Variants in PITPNM2 observed in about 807,000 individuals in gnomAD.
PITPNM2 encodes membrane-associated phosphatidylinositol transfer protein 2.
PITPNM2 carries 35 observed loss-of-function variants against 132.2 expected under a neutral mutation model. The observed-to-expected ratio is 0.26, with a 90% CI of 0.20 to 0.35. PITPNM2 has a LOEUF of 0.35. Among genes scored for constraint, PITPNM2 ranks in the 10% least tolerant of loss-of-function variants. The pLI is 1.00. For synonymous variants in PITPNM2, 738 were observed against 799.2 expected, an observed-to-expected ratio of 0.92 and a Z score of 1.29; for missense variants, 1,332 against 1,912.0, an observed-to-expected ratio of 0.70 and a Z score of 5.66.
intron 1 of PITPNM2, among the ~76,000 whole-genome samples, chr12:123,131,604 AG>A (rs1260884220): frequency 6.6e-6 from 1 of 152,212 alleles, no homozygotes; most frequent in Non-Finnish European, 1.5e-5. Context: ...CAGGAGGCAG[AG>A]GGAGAGTCTG....
rs546515342 is a variant in PITPNM2 at position 123,041,580 on chromosome 12, C to T, written c.-95-6895G>A. Among the ~76,000 whole-genome samples, 36 of 152,326 alleles carry T rather than the reference C, an allele frequency of 2.4e-4. 1 individual carries two copies. In the South Asian group the frequency reaches 7.5e-3, roughly 32 times the overall value. ...CCTTGGCCCGAAGCTGAACCCTCCT[C>T]ACTCAGACAATTTCATTACACCCAG... is the stretch of plus-strand genomic sequence containing the variant. On this transcript the variant is annotated intron_variant, in intron 2 of 25. Coordinates refer to ENST00000320201, the MANE Select transcript of PITPNM2 (RefSeq NM_020845.3).
intron 3 of PITPNM2, among the ~76,000 whole-genome samples, chr12:123,034,009 A>G (rs1419337302): frequency 1.3e-5 from 2 of 152,226 alleles, no homozygotes; most frequent in African/African-American, 4.8e-5. Flanking sequence ...AGAAGACACC[A>G]GAGCCTGCTC....
At chr12:123,079,332 CTTTTTCTTTTTTCTTTTCTTTTTT>C (rs1348967333) in intron 2 of PITPNM2, among the ~76,000 whole-genome samples, 9 of 109,700 alleles carry the variant, frequency 8.2e-5, no homozygotes, top group African/African-American at 2.9e-4. Context: ...TATTTCACTT[CTTTTTCTTTTTTCTTTTCTTTTTT>C]TTTTTTTTTT....
At position 123,034,505 on chromosome 12, in the gene PITPNM2, C is replaced by A. The variant is rs369857832; in HGVS notation, c.78+8G>T. ...CACCCCATGACCCACCCTTGCCCCACGACCCACCTGTATCATGTACAGCTG... is the reference window on the plus strand; with the variant it reads ...CACCCCATGACCCACCCTTGCCCCAAGACCCACCTGTATCATGTACAGCTG... On this transcript the variant is annotated splice_region_variant and intron_variant, in intron 3 of 25. Coordinates refer to ENST00000320201, the MANE Select transcript of PITPNM2 (RefSeq NM_020845.3). 2 of 1,613,610 alleles carry A rather than the reference C, an allele frequency of 1.2e-6. No homozygotes were observed. The highest frequency in any genetic ancestry group is 1.7e-6 in the Non-Finnish European group (2 of 1,179,750).
chr12:123,005,454 C>T lies in PITPNM2; in HGVS notation c.738G>A (p.Glu246=). 6.2e-7 allele frequency: 1 copy of T among 1,614,140 alleles called. No individual in the cohort carries two copies. Among genetic ancestry groups the T allele is most frequent in the Non-Finnish European group, 8.5e-7 (1 of 1,180,034 alleles). ...GLSMENIREL[E]KEAQLMLSRK... ...GGGAAAGCATGAGCTGTGCCTCCTT[C>T]TCCAGCTCCCGGATGTTCTCCATGC... Residue 246 remains glutamate (E), a synonymous_variant, in exon 7 of 26, where the codon GAG becomes GAA. Transcript: ENST00000320201. This position sits in a 1 kb window ranked among gnomAD's most constrained non-coding sequence, Gnocchi z 6.2.
chr12:123,009,704 A>T lies in PITPNM2; in HGVS notation c.643+146T>A, dbSNP rs748287500. 2.7e-6 allele frequency: 2 copies of T among 737,948 alleles called. No homozygotes were observed. The highest frequency in any genetic ancestry group is 4.6e-6 in the Non-Finnish European group (2 of 439,508). 45.7% of individuals were successfully genotyped at this position (737,948 alleles called of 1,614,324 possible). On this transcript the variant is annotated intron_variant, in intron 6 of 25. Transcript: ENST00000320201. This position sits in a 1 kb window ranked among gnomAD's most constrained non-coding sequence, Gnocchi z 4.8. ...CTGGCGGGTAGTGGGGAAGCTGGAC[A>T]TGGGCTTTGGTGTCACCTTCCCAGA... is the stretch of plus-strand genomic sequence containing the variant.
At position 122,994,557 on chromosome 12, in the gene PITPNM2, G is replaced by T. The variant is rs181488257; in HGVS notation, c.2233+244C>A. ...CTGGACCTCAGCTTGCCCATCTAGG[G>T]GTTGACCCTCAGCATCCACAGGCAC... On this transcript the variant is annotated intron_variant, in intron 15 of 25. Coordinates refer to ENST00000320201, the MANE Select transcript of PITPNM2 (RefSeq NM_020845.3). The surrounding 1 kb of genome is among the most constrained non-coding windows in gnomAD (Gnocchi z 5.4). Among the ~76,000 whole-genome samples, 95 of 152,286 alleles carry T rather than the reference G, an allele frequency of 6.2e-4. No individual in the cohort carries two copies. Among genetic ancestry groups the T allele is most frequent in the Non-Finnish European group, 4.6e-4 (31 of 68,014 alleles).
At chr12:123,071,100 C>G (rs904430350) in intron 2 of PITPNM2, among the ~76,000 whole-genome samples, 1 of 152,210 alleles carries the variant, frequency 6.6e-6, no homozygotes, top group Non-Finnish European at 1.5e-5. Context: ...CAGGTCCGAC[C>G]TGGGATCCTC....
At chr12:123,039,065 G>A (rs1196535568) in intron 2 of PITPNM2, among the ~76,000 whole-genome samples, 1 of 151,192 alleles carries the variant, frequency 6.6e-6, no homozygotes, top group African/African-American at 2.4e-5. Flanking sequence ...AGAAGGAACA[G>A]CGTGAGCAAA....
intron 2 of PITPNM2, among the ~76,000 whole-genome samples, chr12:123,051,239 G>C (rs186305075): frequency 6.6e-6 from 1 of 152,168 alleles, no homozygotes; most frequent in Non-Finnish European, 1.5e-5. Context: ...CATCTATTTC[G>C]TGAGCCACTT....
rs934689678 is a variant in PITPNM2, at chr12:123,022,912, C to G, written c.79-8870G>C. The stretch of plus-strand genomic sequence containing the variant: ...GTGCCCTGCCTCTTCCCCCAGGGCC[C>G]TCCACCCAAACCTCCCTCCCCAGAG... On this transcript the variant is annotated intron_variant, in intron 3 of 25. Coordinates refer to ENST00000320201, the MANE Select transcript of PITPNM2 (RefSeq NM_020845.3). This position sits in a 1 kb window ranked among gnomAD's most constrained non-coding sequence, Gnocchi z 4.9. 5.3e-5 allele frequency among the ~76,000 whole-genome samples: 8 copies of G among 152,202 alleles called. No homozygotes were observed. The highest frequency in any genetic ancestry group is 8.8e-5 in the Non-Finnish European group (6 of 68,030).
chr12:123,046,676 T>C (rs2040669200), intron 2 of PITPNM2, among the ~76,000 whole-genome samples: 1 of 152,218 alleles, frequency 6.6e-6, no homozygotes. Context: ...CATTTCCTAT[T>C]GGTGGAGTCA....
intron 5 of PITPNM2, among the ~76,000 whole-genome samples, chr12:123,011,013 G>A (rs1218294159): frequency 3.3e-5 from 5 of 152,338 alleles, no homozygotes; most frequent in South Asian, 2.1e-4. Flanking sequence ...TGGGCAGGAC[G>A]TAGGCCAGGC....
At chr12:123,003,476 G>C (rs1387154308) in intron 8 of PITPNM2, among the ~76,000 whole-genome samples, 1 of 152,252 alleles carries the variant, frequency 6.6e-6, no homozygotes, top group Non-Finnish European at 1.5e-5. Flanking sequence ...TCCTGGTGCA[G>C]AGGCCAGCTC....
intron 2 of PITPNM2, among the ~76,000 whole-genome samples, chr12:123,080,567 T>C (rs937797603): frequency 6.6e-6 from 1 of 152,218 alleles, no homozygotes; most frequent in Non-Finnish European, 1.5e-5. Context: ...CAGCTGGCCC[T>C]GGGGCCCAAG....
chr12:122,983,702 G>GGT lies in PITPNM2; in HGVS notation c.*2323_*2324dup, dbSNP rs1254374740. ...TGGGACTCAGACCGAGCCAGGGAGG[G>GGT]GTGGGGGGTCTCTGCTGAATCCCTC... On this transcript the variant is annotated 3_prime_UTR_variant, in exon 26 of 26. Coordinates refer to ENST00000320201, the MANE Select transcript of PITPNM2 (RefSeq NM_020845.3). 1 of 152,236 alleles carries GGT rather than the reference G, an allele frequency of 6.6e-6. No homozygotes were observed. Among genetic ancestry groups the GGT allele is most frequent in the Non-Finnish European group, 1.5e-5 (1 of 68,060 alleles). The allele number at this position is 152,236 out of a possible 1,614,324, so 9.4% of individuals were successfully genotyped here. A position where few individuals can be genotyped will look rare whatever the true frequency, so the allele number is the denominator to read the frequency against.
intron 2 of PITPNM2, among the ~76,000 whole-genome samples, chr12:123,104,876 T>C (rs1339434959): frequency 6.6e-6 from 1 of 152,082 alleles, no homozygotes; most frequent in Non-Finnish European, 1.5e-5. Context: ...CTCATCACCA[T>C]AGCCAGAAAC....
intron 2 of PITPNM2, among the ~76,000 whole-genome samples, chr12:123,094,463 G>A (rs1405718788): frequency 1.3e-5 from 2 of 152,198 alleles, no homozygotes; most frequent in African/African-American, 2.4e-5. Flanking sequence ...CTTGTCCTCC[G>A]GCGCATCAGG....
chr12:123,135,345 G>A (rs554865962), intron 1 of PITPNM2, among the ~76,000 whole-genome samples: 11 of 151,508 alleles, frequency 7.3e-5, no homozygotes, highest in South Asian at 6.3e-4. Flanking sequence ...ACCATTTGAC[G>A]TTTTAAAAAT....
Sources: allele counts gnomAD v4.1 joint callset (sites outside exome capture counted in the v4.1 genomes callset), GRCh38; gene constraint gnomAD v4.1.1; non-coding constraint Gnocchi (gnomAD v3.1); transcripts MANE v1.5; gene names NCBI Gene and HGNC (gene_info 2026-07-23, HGNC 2026-07-21).